ATP13A4: variants seen among roughly 807,000 people sequenced by gnomAD.
The protein encoded by ATP13A4 is probable cation-transporting ATPase 13A4.
ATP13A4 carries 114 observed loss-of-function variants against 142.5 expected under a neutral mutation model. The ratio of observed to expected loss-of-function variants is 0.80; its 90% confidence interval spans 0.69 to 0.93. The LOEUF is 0.93. Ranked by LOEUF, ATP13A4 falls within the 40% of genes least tolerant of loss-of-function variation. The pLI is 0.00. For synonymous variants in ATP13A4, 488 were observed against 514.8 expected, an observed-to-expected ratio of 0.95 and a Z score of 0.70; for missense variants, 1,392 against 1,454.0, an observed-to-expected ratio of 0.96 and a Z score of 0.69.
intron 17 of ATP13A4, among the ~76,000 whole-genome samples, chr3:193,452,794 A>T (rs115879243): frequency 1.4e-4 from 21 of 147,564 alleles, no homozygotes; most frequent in South Asian, 2.1e-4. Flanking sequence ...TATATATATA[A>T]TATTATCTTA....
At chr3:193,481,254 T>G (rs575063294) in intron 8 of ATP13A4, among the ~76,000 whole-genome samples, 4 of 152,230 alleles carry the variant, frequency 2.6e-5, no homozygotes, top group South Asian at 4.1e-4. Context: ...AATAAATAAA[T>G]AATTTTTAAC....
intron 25 of ATP13A4, among the ~76,000 whole-genome samples, chr3:193,417,958 T>A (rs1715170126): frequency 6.9e-6 from 1 of 144,962 alleles, no homozygotes; most frequent in East Asian, 2.2e-4. Context: ...CCGTCTCTAC[T>A]AAAAATACAA....
chr3:193,450,857 T>C (rs1339297045), intron 17 of ATP13A4, among the ~76,000 whole-genome samples: 1 of 151,814 alleles, frequency 6.6e-6, no homozygotes, highest in African/African-American at 2.4e-5. Flanking sequence ...AGTTGTGAGG[T>C]GGATGAAGGT....
intron 12 of ATP13A4, among the ~76,000 whole-genome samples, chr3:193,464,463 T>C (rs1461057054): frequency 6.6e-6 from 1 of 152,170 alleles, no homozygotes; most frequent in African/African-American, 2.4e-5. Context: ...AAAGTACAGA[T>C]GGGAAAATAC....
chr3:193,423,774 G>T (rs1039574788), intron 25 of ATP13A4, among the ~76,000 whole-genome samples: 2 of 149,406 alleles, frequency 1.3e-5, no homozygotes, highest in African/African-American at 4.9e-5. Flanking sequence ...AACAAGAAAA[G>T]GATGCCCACT....
chr3:193,511,657 T>C (rs1380882759), intron 2 of ATP13A4, among the ~76,000 whole-genome samples: 9 of 152,204 alleles, frequency 5.9e-5, no homozygotes. Flanking sequence ...ACATAGACAA[T>C]AGCCCTTCAT....
At chr3:193,477,794 G>T (rs1719056054) in intron 8 of ATP13A4, among the ~76,000 whole-genome samples, 1 of 152,058 alleles carries the variant, frequency 6.6e-6, no homozygotes, top group African/African-American at 2.4e-5. Context: ...TGCTGGGGAG[G>T]TAACTGTCCA....
At chr3:193,464,278 A>G (rs568187159) in intron 12 of ATP13A4, among the ~76,000 whole-genome samples, 2 of 152,206 alleles carry the variant, frequency 1.3e-5, no homozygotes, top group East Asian at 3.9e-4. Context: ...CCAGGCCTCT[A>G]CCCATGCTCA....
intron 1 of ATP13A4, among the ~76,000 whole-genome samples, chr3:193,583,658 G>GA (rs35208142): frequency 0.52 from 79,063 of 151,156 alleles, 21,365 homozygotes; most frequent in African/African-American, 0.66. Context: ...ACAGGGACAA[G>GA]AAAAAAAATC....
chr3:193,554,443 C>A, intron 1 of ATP13A4: 1 of 468,466 alleles, frequency 2.1e-6, no homozygotes, highest in South Asian at 2.1e-5. Context: ...GAGGCTCAAA[C>A]AAGAATCATA....
chr3:193,573,603 G>C (rs561541648), intron 2 of ATP13A4, among the ~76,000 whole-genome samples: 1 of 151,800 alleles, frequency 6.6e-6, no homozygotes, highest in Non-Finnish European at 1.5e-5. Context: ...TTCTCCACTC[G>C]AGGTTCCCAT....
At chr3:193,552,304 T>C (rs1187601818) in intron 1 of ATP13A4, among the ~76,000 whole-genome samples, 1 of 152,206 alleles carries the variant, frequency 6.6e-6, no homozygotes, top group Non-Finnish European at 1.5e-5. Flanking sequence ...AAATGGAAGA[T>C]AATCCCAGGC....
intron 1 of ATP13A4, among the ~76,000 whole-genome samples, chr3:193,591,920 AG>A (rs1198913455): frequency 6.6e-6 from 1 of 152,158 alleles, no homozygotes; most frequent in Admixed American, 6.5e-5. Flanking sequence ...CAGTTTGCAC[AG>A]GTTGGTACAG....
At chr3:193,537,209 T>C (rs1295098234) in intron 1 of ATP13A4, among the ~76,000 whole-genome samples, 1 of 152,110 alleles carries the variant, frequency 6.6e-6, no homozygotes, top group Admixed American at 6.5e-5. Flanking sequence ...ATACTTATCA[T>C]ATAACTGTAC....
At chr3:193,573,290 C>CTT (rs1279066051) in intron 2 of ATP13A4, among the ~76,000 whole-genome samples, 21,481 of 109,130 alleles carry the variant, frequency 0.2, 2,922 homozygotes, top group African/African-American at 0.28. Flanking sequence ...TATATATATA[C>CTT]ACATATATAT....
chr3:193,450,115 A>C (rs1256640169), intron 17 of ATP13A4, among the ~76,000 whole-genome samples: 29 of 121,236 alleles, frequency 2.4e-4, no homozygotes, highest in African/African-American at 9.4e-4. Flanking sequence ...CTGTCTCACA[A>C]AAAAAAAAAA....
chr3:193,579,684 C>T (rs1296169268), intron 2 of ATP13A4, among the ~76,000 whole-genome samples: 1 of 151,856 alleles, frequency 6.6e-6, no homozygotes, highest in East Asian at 1.9e-4. Context: ...CCAGCCCTTA[C>T]AAATCATGTC....
At chr3:193,479,277 A>T (rs1719151593) in intron 8 of ATP13A4, among the ~76,000 whole-genome samples, 1 of 152,126 alleles carries the variant, frequency 6.6e-6, no homozygotes, top group African/African-American at 2.4e-5. Context: ...GGACAATCAG[A>T]CAAGAGAAGG....
intron 23 of ATP13A4, 151 bp downstream of exon 23, chr3:193,438,324 T>C: frequency 1.5e-6 from 1 of 684,452 alleles, no homozygotes; most frequent in Non-Finnish European, 2.7e-6. Flanking sequence ...GGAAAATCCA[T>C]TTGGAAGTAG....
Sources: gnomAD v4.1 joint callset for allele counts (sites outside exome capture counted in the v4.1 genomes callset) on GRCh38, gnomAD v4.1.1 for gene constraint, MANE v1.5 for transcripts, NCBI Gene and HGNC (gene_info 2026-07-23, HGNC 2026-07-21) for gene names.